Variants in DDX60L observed in about 807,000 individuals in gnomAD.
DDX60L encodes DExD/H-box 60 like, also known as probable ATP-dependent RNA helicase DDX60-like.
A neutral mutation model predicts 211.6 loss-of-function variants in DDX60L; 191 were observed. That is an observed-to-expected ratio of 0.90 (90% CI 0.80 to 1.02). The LOEUF (loss-of-function observed/expected upper bound fraction) is 1.02. Among genes scored for constraint, DDX60L ranks in the 50% least tolerant of loss-of-function variants. DDX60L has a pLI of 0.00. For missense variants in DDX60L, 2,007 were observed against 1,984.1 expected, an observed-to-expected ratio of 1.01 and a Z score of -0.22; for synonymous variants, 706 against 694.1, an observed-to-expected ratio of 1.02 and a Z score of -0.27.
intron 17 of DDX60L, among the ~76,000 whole-genome samples, chr4:168,421,334 T>C (rs1419505409): frequency 6.6e-6 from 1 of 152,132 alleles, no homozygotes; most frequent in Admixed American, 6.5e-5. Flanking sequence ...TAAATGAAAA[T>C]ATTAACATAT....
intron 26 of DDX60L, 31 bp from the exon 27 acceptor site, chr4:168,396,155 AGT>A: frequency 7.8e-7 from 1 of 1,289,154 alleles, no homozygotes; most frequent in Non-Finnish European, 1.0e-6. Context: ...AAAACTTTTA[AGT>A]AATGAAAACT....
At chr4:168,376,487 C>A (rs1234850046) in intron 33 of DDX60L, among the ~76,000 whole-genome samples, 21 of 152,156 alleles carry the variant, frequency 1.4e-4, no homozygotes, top group Admixed American at 1.4e-3. Context: ...GGGATTCTTA[C>A]AAAAGGCAAC....
In DDX60L at chr4:168,406,583, T is replaced by C; in HGVS notation, c.3084+19A>G. On this transcript the variant is annotated intron_variant, in intron 23 of 37. Transcript: ENST00000682922. Reference sequence around the variant, plus strand: ...ATTAACTAAAGTTCATTTTGGTGAATATATATTTCTATATTTACCTGAGCC... The same window carrying C: ...ATTAACTAAAGTTCATTTTGGTGAACATATATTTCTATATTTACCTGAGCC... 1 of 1,531,530 alleles carries C rather than the reference T, an allele frequency of 6.5e-7. No homozygotes were observed. Among genetic ancestry groups the C allele is most frequent in the Non-Finnish European group, 8.9e-7 (1 of 1,124,876 alleles). 94.9% of individuals were successfully genotyped at this position (1,531,530 alleles called of 1,614,324 possible). A position where few individuals can be genotyped will look rare whatever the true frequency, so the allele number is the denominator to read the frequency against.
chr4:168,457,287 CACACAT>C (rs1262864534), intron 6 of DDX60L, among the ~76,000 whole-genome samples: 5 of 150,540 alleles, frequency 3.3e-5, no homozygotes, highest in East Asian at 1.9e-4. Flanking sequence ...CACACACACA[CACACAT>C]ACACACACAC....
chr4:168,431,907 A>T (rs1166496455), intron 12 of DDX60L, among the ~76,000 whole-genome samples: 2 of 152,194 alleles, frequency 1.3e-5, no homozygotes, highest in Non-Finnish European at 2.9e-5. Context: ...CATGGGCACA[A>T]TTATGCTGGT....
Position 168,461,294 on chromosome 4 carries a change from T to C in DDX60L, c.606+405A>G, listed in dbSNP as rs142470412. ...AAAGACATTATTATTACTCAAGAAATTCCAAGGGTTTTAGGGGCTCTGTGA... is the reference window on the plus strand; with the variant it reads ...AAAGACATTATTATTACTCAAGAAACTCCAAGGGTTTTAGGGGCTCTGTGA... On this transcript the variant is annotated intron_variant, in intron 5 of 37. Transcript: ENST00000682922. 2.0e-3 allele frequency among the ~76,000 whole-genome samples: 299 copies of C among 152,272 alleles called. 1 individual carries two copies. In the Middle Eastern group the frequency reaches 0.02, roughly 10 times the overall value.
At chr4:168,474,366 C>T (rs1490475587) in intron 1 of DDX60L, among the ~76,000 whole-genome samples, 4 of 151,728 alleles carry the variant, frequency 2.6e-5, no homozygotes, top group Admixed American at 6.6e-5. Context: ...AAGTAAGGAT[C>T]GTCAGATATA....
intron 18 of DDX60L, among the ~76,000 whole-genome samples, chr4:168,419,779 T>A (rs1750179792): frequency 6.6e-6 from 1 of 152,208 alleles, no homozygotes; most frequent in Non-Finnish European, 1.5e-5. Flanking sequence ...CAATTTTGAA[T>A]GGAAAGAAAA....
At chr4:168,463,015 G>A (rs563158244) in intron 4 of DDX60L, among the ~76,000 whole-genome samples, 15 of 152,152 alleles carry the variant, frequency 9.9e-5, no homozygotes, top group African/African-American at 3.1e-4. Flanking sequence ...TGATAAAGTC[G>A]CAGAGAAAAA....
chr4:168,371,679 G>T lies in DDX60L; in HGVS notation c.4861C>A (p.Pro1621Thr). The change falls in exon 36 of 38, where the codon CCA (proline) becomes ACA (threonine). Residue 1621 changes from proline (P) to threonine (T), a missense_variant. Coordinates refer to ENST00000682922, the MANE Select transcript of DDX60L (RefSeq NM_001012967.3). ...AAATTGAGCACATATGCATTTAGTG[G>T]CATTCTCCTTCCTCGGTTATCTAAT... ...WKLDNRGRRM[P>T]LNAYVLNFYK... The T allele has an allele frequency of 6.2e-7, 1 of 1,605,634 alleles. No homozygotes were observed. Among genetic ancestry groups the T allele is most frequent in the Non-Finnish European group, 8.5e-7 (1 of 1,175,772 alleles).
At chr4:168,388,912 A>G (rs1400537737) in intron 29 of DDX60L, among the ~76,000 whole-genome samples, 2 of 152,210 alleles carry the variant, frequency 1.3e-5, no homozygotes, top group African/African-American at 4.8e-5. Context: ...TGTGATAGCA[A>G]TAAGGGCATT....
intron 10 of DDX60L, among the ~76,000 whole-genome samples, chr4:168,439,104 C>T (rs1450480135): frequency 1.3e-5 from 2 of 151,906 alleles, no homozygotes; most frequent in African/African-American, 2.4e-5. Flanking sequence ...TTCGTTAGTG[C>T]CTTTATTGGG....
chr4:168,415,919 T>A, intron 20 of DDX60L, 120 bp from the exon 21 acceptor site: 1 of 905,136 alleles, frequency 1.1e-6, no homozygotes, highest in Non-Finnish European at 1.6e-6. Flanking sequence ...CCTCTCAATT[T>A]AAACCACCTG....
chr4:168,475,329 T>C (rs1759327441), intron 1 of DDX60L, among the ~76,000 whole-genome samples: 1 of 152,230 alleles, frequency 6.6e-6, no homozygotes, highest in Admixed American at 6.5e-5. Context: ...TGCTCTGACA[T>C]ATGACCAATG....
At chr4:168,364,744 G>A (rs1426592854) in intron 36 of DDX60L, among the ~76,000 whole-genome samples, 2 of 152,088 alleles carry the variant, frequency 1.3e-5, no homozygotes, top group African/African-American at 4.8e-5. Flanking sequence ...AACCGTACAT[G>A]GAACATTCTC....
At chr4:168,368,658 A>G (rs1740423353) in intron 36 of DDX60L, among the ~76,000 whole-genome samples, 1 of 152,182 alleles carries the variant, frequency 6.6e-6, no homozygotes, top group Non-Finnish European at 1.5e-5. Flanking sequence ...AGCCACAGAC[A>G]CTCAATGCCA....
At chr4:168,437,406 G>A (rs1753192419) in intron 10 of DDX60L, among the ~76,000 whole-genome samples, 1 of 152,134 alleles carries the variant, frequency 6.6e-6, no homozygotes, top group South Asian at 2.1e-4. Context: ...GGAACACCAA[G>A]GATTGCCAGC....
chr4:168,371,381 A>G (rs965663244), intron 36 of DDX60L, among the ~76,000 whole-genome samples: 2 of 148,752 alleles, frequency 1.3e-5, no homozygotes, highest in East Asian at 1.9e-4. Flanking sequence ...ATCACCAGAA[A>G]TCAGTCTTCT....
chr4:168,441,141 T>G (rs1753773134), intron 10 of DDX60L, among the ~76,000 whole-genome samples, 196 bp downstream of exon 10: 1 of 152,112 alleles, frequency 6.6e-6, no homozygotes, highest in Non-Finnish European at 1.5e-5. Context: ...TGTGTAAAAT[T>G]TCACCAGGCT....
Sources: allele counts gnomAD v4.1 joint callset (sites outside exome capture counted in the v4.1 genomes callset), GRCh38; gene constraint gnomAD v4.1.1; transcripts MANE v1.5; gene names NCBI Gene and HGNC (gene_info 2026-07-23, HGNC 2026-07-21).